PMM2: variants seen among roughly 807,000 people sequenced by gnomAD.
The protein encoded by PMM2 is mannose-6-phosphate isomerase.
Under a neutral mutation model 33.2 loss-of-function variants are expected in PMM2, and 35 were observed. That is an observed-to-expected ratio of 1.06 (90% CI 0.81 to 1.40). The LOEUF (loss-of-function observed/expected upper bound fraction) is 1.40. Among genes scored for constraint, PMM2 ranks in the 40% most tolerant of loss-of-function variants. The pLI, the probability that PMM2 is intolerant of heterozygous loss-of-function variation, is 0.00. For synonymous variants in PMM2, 153 were observed against 114.7 expected (o/e 1.33, Z -2.13); for missense variants, 386 against 306.0 (o/e 1.26, Z -1.95).
chr16:8,806,466 G>T (rs1393243959), intron 4 of PMM2, 59 bp downstream of exon 4: 1 of 975,706 alleles, frequency 1.0e-6, no homozygotes. Context: ...CACATGGTGG[G>T]CTAATGTGGG....
chr16:8,800,844 C>T (rs897772447), intron 1 of PMM2, among the ~76,000 whole-genome samples: 1 of 151,990 alleles, frequency 6.6e-6, no homozygotes, highest in Non-Finnish European at 1.5e-5. Context: ...CCAGCGCGCC[C>T]GCCTAATTTT....
chr16:8,817,692 C>T (rs1188218159), intron 7 of PMM2, among the ~76,000 whole-genome samples: 1 of 151,990 alleles, frequency 6.6e-6, no homozygotes, highest in Non-Finnish European at 1.5e-5. Context: ...GGAAGCTTTC[C>T]CCCAATTGTA....
At chr16:8,834,481 G>A (rs1418947927) in intron 7 of PMM2, among the ~76,000 whole-genome samples, 2 of 151,784 alleles carry the variant, frequency 1.3e-5, no homozygotes, top group African/African-American at 4.9e-5. Context: ...TAGTGAAAGT[G>A]TCTACTTAGA....
intron 7 of PMM2, among the ~76,000 whole-genome samples, chr16:8,841,045 A>G (rs975679518): frequency 2.0e-5 from 3 of 152,094 alleles, no homozygotes; most frequent in Non-Finnish European, 2.9e-5. Context: ...CATCTCGAGA[A>G]CAGGCTCTAA....
chr16:8,827,284 TAATTC>T (rs1187765223), intron 7 of PMM2, among the ~76,000 whole-genome samples: 2 of 150,480 alleles, frequency 1.3e-5, no homozygotes, highest in Non-Finnish European at 3.0e-5. Flanking sequence ...ACTGGGGAAA[TAATTC>T]AGTTGACTGA....
At chr16:8,839,359 A>AG (rs1298732866) in intron 7 of PMM2, among the ~76,000 whole-genome samples, 1 of 151,964 alleles carries the variant, frequency 6.6e-6, no homozygotes, top group East Asian at 1.9e-4. Flanking sequence ...GAGTGCTGCA[A>AG]GGGGTGTCTT....
rs948150947 is a variant in PMM2 at position 8,848,678 on chromosome 16, A to C, written c.*853A>C. On this transcript the variant is annotated 3_prime_UTR_variant, in exon 8 of 8. Coordinates refer to ENST00000268261, the MANE Select transcript of PMM2 (RefSeq NM_000303.3). The stretch of plus-strand genomic sequence containing the variant: ...AACGCGGGATGTCAGACTTCACCAA[A>C]AGGACTTTCTGGTTGCCCCTGGCTG... The C allele has an allele frequency of 6.6e-6, 1 of 152,120 alleles. No individual in the cohort carries two copies. The highest frequency in any genetic ancestry group is 2.4e-5 in the African/African-American group (1 of 41,360). The allele number at this position is 152,120 out of a possible 1,614,324, so 9.4% of individuals were successfully genotyped here. A position where few individuals can be genotyped will look rare whatever the true frequency, so the allele number is the denominator to read the frequency against.
In PMM2 at chr16:8,810,880, C is replaced by G. The variant is rs2060673408; in HGVS notation, c.348-199C>G. On this transcript the variant is annotated intron_variant, in intron 4 of 7. Coordinates refer to ENST00000268261, the MANE Select transcript of PMM2 (RefSeq NM_000303.3). ...TCATACTAAATCTTTCAAATCTAAT[C>G]TCAATTCATATTAGCCACATTTCAA... 3.6e-5 allele frequency: 22 copies of G among 605,062 alleles called. No homozygotes were observed. The South Asian group carries it at 4.1e-4, about 11-fold the overall frequency. 37.5% of individuals were successfully genotyped at this position (605,062 alleles called of 1,614,324 possible).
intron 7 of PMM2, among the ~76,000 whole-genome samples, chr16:8,816,240 C>A (rs1356671867): frequency 6.6e-6 from 1 of 152,036 alleles, no homozygotes; most frequent in African/African-American, 2.4e-5. Context: ...TATTCTTATA[C>A]CTCAGCCTCC....
intron 7 of PMM2, among the ~76,000 whole-genome samples, chr16:8,830,717 A>G (rs529017116): frequency 6.6e-6 from 1 of 152,376 alleles, no homozygotes; most frequent in East Asian, 1.9e-4. Context: ...TCTTGCAGCC[A>G]GAGGCTCCGT....
chr16:8,843,130 G>C (rs943670972), intron 7 of PMM2, among the ~76,000 whole-genome samples: 1 of 152,120 alleles, frequency 6.6e-6, no homozygotes, highest in African/African-American at 2.4e-5. Context: ...GTCTAAGTTG[G>C]CACCAGAGTT....
At chr16:8,824,579 T>C (rs1040094873) in intron 7 of PMM2, among the ~76,000 whole-genome samples, 16 of 152,180 alleles carry the variant, frequency 1.1e-4, no homozygotes, top group Non-Finnish European at 5.9e-5. Context: ...GTTAAACACT[T>C]TTTTATATTT....
At chr16:8,806,570 C>A in intron 4 of PMM2, 163 bp downstream of exon 4, 2 of 659,556 alleles carry the variant, frequency 3.0e-6, no homozygotes, top group Non-Finnish European at 5.5e-6. Flanking sequence ...GTTCAGAAAG[C>A]CTGAGAGCCG....
intron 7 of PMM2, chr16:8,832,503 T>C (rs2060816702): frequency 1.0e-6 from 1 of 985,242 alleles, no homozygotes; most frequent in Non-Finnish European, 1.2e-6. Flanking sequence ...TAGGCCTCTG[T>C]CCCTGCATGT....
At chr16:8,818,700 G>A (rs937862432) in intron 7 of PMM2, among the ~76,000 whole-genome samples, 18 of 150,246 alleles carry the variant, frequency 1.2e-4, no homozygotes, top group Admixed American at 1.1e-3. Context: ...GGAGCAACTC[G>A]AGAGCAGAGT....
chr16:8,837,109 C>T (rs1005981641), intron 7 of PMM2, among the ~76,000 whole-genome samples: 1 of 151,800 alleles, frequency 6.6e-6, no homozygotes, highest in African/African-American at 2.4e-5. Flanking sequence ...TAGAAAGACT[C>T]AGCGACGCTT....
intron 7 of PMM2, among the ~76,000 whole-genome samples, chr16:8,827,024 C>T (rs8050781): frequency 0.83 from 125,596 of 152,174 alleles, 52,350 homozygotes; most frequent in East Asian, 0.97. Context: ...ACATATCTCT[C>T]TCCCCTACTA....
At chr16:8,802,564 C>T (rs928681388) in intron 2 of PMM2, among the ~76,000 whole-genome samples, 2 of 152,196 alleles carry the variant, frequency 1.3e-5, no homozygotes, top group Non-Finnish European at 2.9e-5. Context: ...CGCGGTGGCT[C>T]ACGCTTATAA....
intron 7 of PMM2, among the ~76,000 whole-genome samples, chr16:8,836,521 C>T (rs901991578): frequency 9.9e-5 from 15 of 151,922 alleles, no homozygotes; most frequent in African/African-American, 2.7e-4. Context: ...CTGGCTGCTG[C>T]GGTTCAGGCG....
Sources: gnomAD v4.1 joint callset for allele counts (sites outside exome capture counted in the v4.1 genomes callset) on GRCh38, gnomAD v4.1.1 for gene constraint, MANE v1.5 for transcripts, NCBI Gene and HGNC (gene_info 2026-07-23, HGNC 2026-07-21) for gene names.